The following ENTHD1 variants were observed in gnomAD, a reference collection of about 807,000 sequenced individuals.
ENTHD1 encodes the protein ENTH domain containing 1.
ENTHD1 carries 23 observed loss-of-function variants against 39.1 expected under a neutral mutation model. The ratio of observed to expected loss-of-function variants is 0.59; its 90% CI spans 0.42 to 0.83. The LOEUF (loss-of-function observed/expected upper bound fraction) is 0.83, where lower values mean the gene tolerates loss of function less well. Among genes scored for constraint, ENTHD1 ranks in the 40% least tolerant of loss-of-function variants. The pLI, the probability that ENTHD1 is intolerant of heterozygous loss-of-function variation, is 0.00. For missense variants in ENTHD1, 624 were observed against 705.4 expected (o/e 0.88, Z 1.31); for synonymous variants, 230 against 258.2 (o/e 0.89, Z 1.05).
At chr22:39,886,275 T>C (rs2066378703) in intron 2 of ENTHD1, among the ~76,000 whole-genome samples, 1 of 152,028 alleles carries the variant, frequency 6.6e-6, no homozygotes, top group Non-Finnish European at 1.5e-5. Flanking sequence ...AAAGGATGAA[T>C]AGGTGGAACA....
chr22:39,857,240 C>T (rs1004708023), intron 3 of ENTHD1, among the ~76,000 whole-genome samples: 4 of 151,604 alleles, frequency 2.6e-5, no homozygotes, highest in South Asian at 2.1e-4. Context: ...GTCAGGAGTT[C>T]GAGACCACCC....
At chr22:39,841,162 C>T (rs2065941905) in intron 3 of ENTHD1, among the ~76,000 whole-genome samples, 1 of 152,114 alleles carries the variant, frequency 6.6e-6, no homozygotes, top group Admixed American at 6.5e-5. Context: ...GGTCTTCATC[C>T]CAGATTCACC....
At chr22:39,872,581 T>C (rs1326499232) in intron 2 of ENTHD1, among the ~76,000 whole-genome samples, 1 of 152,246 alleles carries the variant, frequency 6.6e-6, no homozygotes, top group Non-Finnish European at 1.5e-5. Context: ...TATTTTAATT[T>C]ATATCTCATC....
intron 3 of ENTHD1, among the ~76,000 whole-genome samples, chr22:39,840,034 CTTAA>C (rs910863112): frequency 5.9e-5 from 9 of 152,220 alleles, no homozygotes; most frequent in Admixed American, 1.3e-4. Flanking sequence ...GTGAGGTGTG[CTTAA>C]TTAGATTTGG....
At chr22:39,825,794 A>G (rs959926651) in intron 4 of ENTHD1, among the ~76,000 whole-genome samples, 1 of 151,954 alleles carries the variant, frequency 6.6e-6, no homozygotes, top group African/African-American at 2.4e-5. Context: ...TATATCAGAC[A>G]TAGTAGTTTC....
rs113681710 is a variant in ENTHD1, at chr22:39,861,778, C to A, written c.579G>T (p.Arg193Ser). The A allele has an allele frequency of 2.6e-6, 4 of 1,542,848 alleles. No homozygotes were observed. Among genetic ancestry groups the A allele is most frequent in the Admixed American group, 3.5e-5 (2 of 57,024 alleles). ...EKKYKLPKFG[R>S]LHNKRNVCKA... ...CATTATACGTACTTTTATTATGTAACCTTCCAAACTTAGGAAGCTTATACT... is the reference window on the plus strand; with the variant it reads ...CATTATACGTACTTTTATTATGTAAACTTCCAAACTTAGGAAGCTTATACT... Residue 193 changes from arginine (R) to serine (S), a missense_variant, in exon 3 of 7, where the codon AGG (arginine) becomes AGT (serine). Coordinates refer to ENST00000325157, the MANE Select transcript of ENTHD1 (RefSeq NM_152512.4).
At chr22:39,786,755 T>G (rs2065462287) in intron 5 of ENTHD1, among the ~76,000 whole-genome samples, 1 of 152,208 alleles carries the variant, frequency 6.6e-6, no homozygotes, top group Admixed American at 6.5e-5. Flanking sequence ...TGAGCTCGAC[T>G]GTTTTAGATT....
Position 39,743,780 on chromosome 22 carries a change from C to T in ENTHD1, c.1723G>A (p.Val575Ile), listed in dbSNP as rs372712499. The T allele has an allele frequency of 6.2e-7, 1 of 1,614,118 alleles. No homozygotes were observed. ...ATGCTCATCAAGATGTTATTGATGA[C>T]ATTAAGTTCTTGGATCACTGTGCTC... ...DLSTVIQELN[V>I]INNILMSMSL... Residue 575 changes from valine (V) to isoleucine (I), a missense_variant, in exon 7 of 7, where the codon GTC (valine) becomes ATC (isoleucine). Val to Ile is a conservative substitution (Grantham distance 29, BLOSUM62 3). Transcript: ENST00000325157.
At position 39,831,775 on chromosome 22, in the gene ENTHD1, G is replaced by A. The variant is rs1358196494; in HGVS notation, c.711+4065C>T. ...CCAGAGGCGGAGGTTGCAGTGAGCCGAGATCATGCCACTACACTCCAGCCT... is the reference window on the plus strand; with the variant it reads ...CCAGAGGCGGAGGTTGCAGTGAGCCAAGATCATGCCACTACACTCCAGCCT... On this transcript the variant is annotated intron_variant, in intron 4 of 6. Coordinates refer to ENST00000325157, the MANE Select transcript of ENTHD1 (RefSeq NM_152512.4). 2.6e-5 allele frequency among the ~76,000 whole-genome samples: 4 copies of A among 151,948 alleles called. No individual in the cohort carries two copies. In the South Asian group the frequency reaches 6.2e-4, roughly 24 times the overall value.
chr22:39,758,811 A>G lies in ENTHD1; in HGVS notation c.1219+6412T>C, dbSNP rs113954872. 2.8e-4 allele frequency among the ~76,000 whole-genome samples: 43 copies of G among 152,322 alleles called. 1 individual carries two copies. Among genetic ancestry groups the G allele is most frequent in the African/African-American group, 9.6e-4 (40 of 41,566 alleles). ...TTCATAGTTTGCTTAAATTTTTTAAAGATTGTAAATGAGTGTAGAATTTTG... is the reference window on the plus strand; with the variant it reads ...TTCATAGTTTGCTTAAATTTTTTAAGGATTGTAAATGAGTGTAGAATTTTG... On this transcript the variant is annotated intron_variant, in intron 6 of 6. Transcript: ENST00000325157.
intron 2 of ENTHD1, among the ~76,000 whole-genome samples, chr22:39,873,106 T>C (rs1488099324): frequency 3.9e-5 from 6 of 152,048 alleles, no homozygotes; most frequent in Non-Finnish European, 7.4e-5. Context: ...GCCACCACAC[T>C]CAGCCTAACA....
chr22:39,851,183 G>T (rs1301462312), intron 3 of ENTHD1, among the ~76,000 whole-genome samples: 1 of 152,168 alleles, frequency 6.6e-6, no homozygotes, highest in East Asian at 1.9e-4. Context: ...TAGAAGATGA[G>T]AAGCTTTCTG....
At chr22:39,812,807 G>A (rs1422336268) in intron 5 of ENTHD1, among the ~76,000 whole-genome samples, 2 of 152,082 alleles carry the variant, frequency 1.3e-5, no homozygotes, top group Non-Finnish European at 2.9e-5. Context: ...TTTGAGATGG[G>A]AGTCTTGCTC....
At chr22:39,874,121 T>C (rs1401283150) in intron 2 of ENTHD1, 1 of 152,116 alleles carries the variant, frequency 6.6e-6, no homozygotes, top group Non-Finnish European at 1.5e-5. Context: ...ATGAGACTTA[T>C]TCACTATCAT....
intron 4 of ENTHD1, among the ~76,000 whole-genome samples, chr22:39,835,184 A>G (rs955523206): frequency 2.5e-4 from 38 of 152,124 alleles, no homozygotes; most frequent in African/African-American, 8.2e-4. Flanking sequence ...TAATATACCA[A>G]TATCCGTTTT....
intron 6 of ENTHD1, among the ~76,000 whole-genome samples, chr22:39,753,284 T>C (rs1020874713): frequency 2.0e-5 from 3 of 152,230 alleles, no homozygotes; most frequent in African/African-American, 7.2e-5. Context: ...AAGAATCTAC[T>C]AGCTTCCTCC....
At chr22:39,763,642 T>G (rs963332709) in intron 6 of ENTHD1, among the ~76,000 whole-genome samples, 4 of 152,202 alleles carry the variant, frequency 2.6e-5, no homozygotes, top group African/African-American at 9.6e-5. Flanking sequence ...TACTTGGTTG[T>G]TTGATGATGA....
intron 3 of ENTHD1, among the ~76,000 whole-genome samples, chr22:39,859,211 T>G (rs1349154009): frequency 6.6e-6 from 1 of 152,236 alleles, no homozygotes; most frequent in Non-Finnish European, 1.5e-5. Flanking sequence ...GATTAGGCTT[T>G]GGCTTAAGTG....
At chr22:39,847,130 A>G (rs1452293219) in intron 3 of ENTHD1, among the ~76,000 whole-genome samples, 1 of 152,128 alleles carries the variant, frequency 6.6e-6, no homozygotes, top group Non-Finnish European at 1.5e-5. Flanking sequence ...CAAATGTCCA[A>G]CAATGATAGA....
Sources: gnomAD v4.1 joint callset for allele counts (sites outside exome capture counted in the v4.1 genomes callset) on GRCh38, gnomAD v4.1.1 for gene constraint, MANE v1.5 for transcripts, NCBI Gene and HGNC (gene_info 2026-07-23, HGNC 2026-07-21) for gene names.